Variants in PRH1 observed in about 807,000 individuals in gnomAD.
PRH1 encodes the protein proline rich protein HaeIII subfamily 1.
A neutral mutation model predicts 7.9 loss-of-function variants in PRH1; 7 were observed. The ratio of observed to expected loss-of-function variants is 0.89; its 90% CI spans 0.50 to 1.67. PRH1 has a LOEUF of 1.67. PRH1 is among the 40% of genes most tolerant of loss of function. The pLI, the probability that PRH1 is intolerant of heterozygous loss-of-function variation, is 0.00. For missense variants in PRH1, 109 were observed against 223.6 expected, an observed-to-expected ratio of 0.49 and a Z score of 3.27; for synonymous variants, 45 against 80.8, an observed-to-expected ratio of 0.56 and a Z score of 2.38.
Position 10,995,387 on chromosome 12 carries a change from T to C in PRH1, c.-125-21666A>G, listed in dbSNP as rs184180077. The stretch of plus-strand genomic sequence containing the variant: ...TTATCTTAAGGTTTAGATAATATTG[T>C]TAAAATTGCATAACACCAGAAATTA... On this transcript the variant is annotated intron_variant, in intron 1 of 3. Coordinates refer to the PRH1 transcript ENST00000539853. 3.3e-4 allele frequency among the ~76,000 whole-genome samples: 51 copies of C among 152,296 alleles called. 1 individual carries two copies. Among genetic ancestry groups the C allele is most frequent in the Non-Finnish European group, 2.9e-5 (2 of 68,018 alleles).
intron 2 of PRH1, among the ~76,000 whole-genome samples, chr12:10,902,503 T>C (rs1460809535): frequency 6.6e-6 from 1 of 151,942 alleles, no homozygotes; most frequent in East Asian, 1.9e-4. Flanking sequence ...GACATACAGA[T>C]ACAAGAAATC....
At chr12:11,082,470 AT>A (rs1265052567) in intron 1 of PRH1, among the ~76,000 whole-genome samples, 3 of 111,286 alleles carry the variant, frequency 2.7e-5, no homozygotes, top group South Asian at 4.9e-4. Flanking sequence ...ACACCCAGCA[AT>A]TTTTTTTTAT....
At chr12:11,115,380 G>A (rs1419415343) in intron 1 of PRH1, among the ~76,000 whole-genome samples, 1 of 151,826 alleles carries the variant, frequency 6.6e-6, no homozygotes, top group African/African-American at 2.4e-5. Context: ...ACTCAACACT[G>A]GAGCACCCAG....
chr12:10,956,294 C>T (rs1034210958), intron 2 of PRH1, among the ~76,000 whole-genome samples: 1 of 152,168 alleles, frequency 6.6e-6, no homozygotes. Context: ...ATATGTGATT[C>T]ATCACATAAG....
In PRH1 at chr12:11,130,309, T is replaced by G. The variant is rs148547160; in HGVS notation, n.40-9129A>C. On this transcript the variant is annotated intron_variant and non_coding_transcript_variant, in intron 1 of 1. Coordinates refer to the PRH1 transcript ENST00000541175. The stretch of plus-strand genomic sequence containing the variant: ...AGGGACCGACAACATAGGTGATGTT[T>G]TAAGGTTTTTAGTGTCCCTAGTCCA... 3.9e-3 allele frequency among the ~76,000 whole-genome samples: 599 copies of G among 152,224 alleles called. 2 individuals are homozygous for G. The highest frequency in any genetic ancestry group is 0.014 in the African/African-American group (569 of 41,534).
chr12:11,153,342 T>C (rs1043780659), intron 1 of PRH1, among the ~76,000 whole-genome samples: 14 of 152,224 alleles, frequency 9.2e-5, no homozygotes, highest in Non-Finnish European at 1.6e-4. Context: ...CTAAAATTTC[T>C]GAAAAGCAAA....
At chr12:10,892,380 G>A (rs988315827) in intron 2 of PRH1, among the ~76,000 whole-genome samples, 2 of 152,118 alleles carry the variant, frequency 1.3e-5, no homozygotes, top group African/African-American at 4.8e-5. Flanking sequence ...TTTAAAAAAT[G>A]TTTCTTTCTT....
chr12:11,128,609 G>A (rs1441464891), intron 1 of PRH1, among the ~76,000 whole-genome samples: 1 of 152,068 alleles, frequency 6.6e-6, no homozygotes, highest in Non-Finnish European at 1.5e-5. Context: ...GCCAGGTGGT[G>A]GTGGCACGCA....
intron 1 of PRH1, among the ~76,000 whole-genome samples, chr12:11,002,029 T>C (rs1327344914): frequency 6.6e-6 from 1 of 152,274 alleles, no homozygotes; most frequent in Non-Finnish European, 1.5e-5. Flanking sequence ...AGTTTAAGGT[T>C]ATCTATAATG....
chr12:11,070,302 G>T (rs553401417), intron 1 of PRH1, among the ~76,000 whole-genome samples: 1 of 152,304 alleles, frequency 6.6e-6, no homozygotes, highest in African/African-American at 2.4e-5. Context: ...AAAAAGGGAA[G>T]AATGCCTCAG....
chr12:10,899,292 G>A (rs1169320446), intron 2 of PRH1, among the ~76,000 whole-genome samples: 1 of 151,898 alleles, frequency 6.6e-6, no homozygotes, highest in African/African-American at 2.4e-5. Context: ...TTTTTTTTAT[G>A]TGAGAAGGAC....
At chr12:10,975,784 TA>T (rs1040365708) in intron 1 of PRH1, among the ~76,000 whole-genome samples, 1 of 148,124 alleles carries the variant, frequency 6.8e-6, no homozygotes, top group African/African-American at 2.5e-5. Flanking sequence ...TCTAATTTCA[TA>T]AAAAAAGTCT....
intron 2 of PRH1, among the ~76,000 whole-genome samples, chr12:10,932,712 C>T (rs1399430795): frequency 1.3e-5 from 2 of 151,954 alleles, no homozygotes; most frequent in African/African-American, 4.8e-5. Flanking sequence ...ACCTATTTTC[C>T]CCTATTTTAT....
chr12:10,962,158 T>C (rs941299931), intron 2 of PRH1, among the ~76,000 whole-genome samples: 3 of 152,202 alleles, frequency 2.0e-5, no homozygotes, highest in African/African-American at 7.2e-5. Context: ...GTATAATTTA[T>C]TTTTCACTCA....
intron 2 of PRH1, chr12:10,939,252 C>T (rs777717070): frequency 3.7e-6 from 4 of 1,089,714 alleles, no homozygotes; most frequent in Non-Finnish European, 5.2e-6. Flanking sequence ...CTGCTGAAGA[C>T]TTCTTAATGC....
intron 1 of PRH1, among the ~76,000 whole-genome samples, chr12:11,023,398 G>A (rs184501210): frequency 1.3e-5 from 2 of 152,174 alleles, no homozygotes; most frequent in African/African-American, 4.8e-5. Flanking sequence ...TGTTTCTCAA[G>A]CTTAGGCCTT....
chr12:11,031,354 A>G (rs756447862), intron 1 of PRH1: 6 of 1,606,936 alleles, frequency 3.7e-6, no homozygotes, highest in Non-Finnish European at 5.1e-6. Context: ...AGACAAAAAA[A>G]AATTGTTTTA....
intron 1 of PRH1, among the ~76,000 whole-genome samples, chr12:11,128,572 C>T (rs1272881661): frequency 3.9e-5 from 6 of 152,124 alleles, no homozygotes; most frequent in Non-Finnish European, 8.8e-5. Context: ...TGGTGAAACC[C>T]TGTCTCCACT....
At chr12:11,033,120 A>C (rs1942296958) in intron 1 of PRH1, among the ~76,000 whole-genome samples, 1 of 152,154 alleles carries the variant, frequency 6.6e-6, no homozygotes, top group African/African-American at 2.4e-5. Context: ...ATCCAGGCCC[A>C]GCGCAGGCGA....
Sources: gnomAD v4.1 joint callset for allele counts (sites outside exome capture counted in the v4.1 genomes callset) on GRCh38, gnomAD v4.1.1 for gene constraint, MANE v1.5 for transcripts, NCBI Gene and HGNC (gene_info 2026-07-23, HGNC 2026-07-21) for gene names.